Variants in UNC5D observed in about 807,000 individuals in gnomAD.
The protein encoded by UNC5D is unc-5 netrin receptor D, also known as netrin receptor UNC5D.
A neutral mutation model predicts 105.4 loss-of-function variants in UNC5D; 39 were observed. The observed-to-expected ratio is 0.37, with a 90% CI of 0.29 to 0.48. The LOEUF (loss-of-function observed/expected upper bound fraction) is 0.48. Ranked by LOEUF, UNC5D falls within the 20% of genes least tolerant of loss-of-function variation. The pLI, the probability that UNC5D is intolerant of heterozygous loss-of-function variation, is 0.98. For missense variants in UNC5D, 991 were observed against 1,202.4 expected, an observed-to-expected ratio of 0.82 and a Z score of 2.60; for synonymous variants, 452 against 450.4, an observed-to-expected ratio of 1.00 and a Z score of -0.04.
intron 1 of UNC5D, among the ~76,000 whole-genome samples, chr8:35,372,805 T>C (rs944363450): frequency 4.6e-5 from 7 of 151,778 alleles, no homozygotes; most frequent in Non-Finnish European, 7.4e-5. Context: ...GTCTCACATT[T>C]TACCCAGGCT....
At chr8:35,466,415 A>C (rs1012932510) in intron 1 of UNC5D, among the ~76,000 whole-genome samples, 1 of 152,158 alleles carries the variant, frequency 6.6e-6, no homozygotes, top group Non-Finnish European at 1.5e-5. Flanking sequence ...GTGTCCAGGA[A>C]GTAGGATTTA....
At chr8:35,552,282 C>T (rs996208410) in intron 2 of UNC5D, among the ~76,000 whole-genome samples, 14 of 152,126 alleles carry the variant, frequency 9.2e-5, no homozygotes, top group African/African-American at 3.1e-4. Flanking sequence ...GAGTTTGTGG[C>T]ATAGCTGTTT....
At chr8:35,643,799 G>C (rs912106544) in intron 4 of UNC5D, among the ~76,000 whole-genome samples, 1 of 152,098 alleles carries the variant, frequency 6.6e-6, no homozygotes, top group South Asian at 2.1e-4. Flanking sequence ...TGGAGTAGGC[G>C]ATGAAATCTG....
At chr8:35,771,287 C>T (rs1354640496) in intron 15 of UNC5D, among the ~76,000 whole-genome samples, 1 of 152,120 alleles carries the variant, frequency 6.6e-6, no homozygotes, top group Non-Finnish European at 1.5e-5. Flanking sequence ...TTTACAGGTG[C>T]CATGAGGGCT....
intron 4 of UNC5D, among the ~76,000 whole-genome samples, chr8:35,662,012 C>G (rs1186477736): frequency 6.6e-6 from 1 of 152,116 alleles, no homozygotes; most frequent in Non-Finnish European, 1.5e-5. Flanking sequence ...CCAACATTAT[C>G]TTCTCACAGG....
chr8:35,526,792 A>G (rs1314243580), intron 1 of UNC5D, among the ~76,000 whole-genome samples: 2 of 152,030 alleles, frequency 1.3e-5, no homozygotes, highest in Admixed American at 6.6e-5. Context: ...CCCTCATTAA[A>G]AAAAAAATGG....
intron 1 of UNC5D, among the ~76,000 whole-genome samples, chr8:35,298,662 C>T (rs1585526048): frequency 7.4e-6 from 1 of 134,880 alleles, no homozygotes; most frequent in Non-Finnish European, 1.5e-5. Context: ...TTGAGTAGGG[C>T]CCAAACATAT....
intron 1 of UNC5D, among the ~76,000 whole-genome samples, chr8:35,241,443 C>G (rs539356508): frequency 1.3e-5 from 2 of 152,164 alleles, no homozygotes; most frequent in Non-Finnish European, 1.5e-5. Flanking sequence ...CCACTCCCCC[C>G]ACACCACTTC....
At chr8:35,612,595 A>G (rs1820755729) in intron 4 of UNC5D, among the ~76,000 whole-genome samples, 4 of 152,134 alleles carry the variant, frequency 2.6e-5, no homozygotes, top group Admixed American at 1.3e-4. Context: ...CCCAAACATA[A>G]TGGGGTTTTA....
chr8:35,377,066 C>T (rs138810298), intron 1 of UNC5D, among the ~76,000 whole-genome samples: 105 of 152,298 alleles, frequency 6.9e-4, no homozygotes, highest in African/African-American at 2.5e-3. Context: ...GGATATGAGG[C>T]TTTTTCACAA....
intron 3 of UNC5D, 93 bp downstream of exon 3, chr8:35,568,334 C>T: frequency 1.4e-6 from 2 of 1,478,032 alleles, no homozygotes; most frequent in Non-Finnish European, 9.1e-7. Context: ...GATGCTTCTA[C>T]AGAATGTAAA....
At chr8:35,400,977 T>G (rs2128949710) in intron 1 of UNC5D, among the ~76,000 whole-genome samples, 1 of 152,322 alleles carries the variant, frequency 6.6e-6, no homozygotes, top group Non-Finnish European at 1.5e-5. Flanking sequence ...TCAGTCCTGC[T>G]GATTTCTTGG....
chr8:35,694,597 A>G (rs993927867), intron 7 of UNC5D, among the ~76,000 whole-genome samples: 1 of 152,190 alleles, frequency 6.6e-6, no homozygotes, highest in Admixed American at 6.6e-5. Context: ...TTATAACAGT[A>G]TCTATTACAA....
intron 1 of UNC5D, among the ~76,000 whole-genome samples, chr8:35,483,973 TGAG>T (rs1162294046): frequency 6.6e-6 from 1 of 152,156 alleles, no homozygotes; most frequent in Admixed American, 6.5e-5. Flanking sequence ...CATTCAAATG[TGAG>T]GAGATGAGGG....
chr8:35,253,753 TG>T (rs1264898193), intron 1 of UNC5D, among the ~76,000 whole-genome samples: 1 of 152,038 alleles, frequency 6.6e-6, no homozygotes, highest in East Asian at 1.9e-4. Flanking sequence ...CCTCCCAAAA[TG>T]CTGGGATTAT....
At chr8:35,380,725 A>G (rs1250814484) in intron 1 of UNC5D, among the ~76,000 whole-genome samples, 6 of 152,206 alleles carry the variant, frequency 3.9e-5, no homozygotes, top group Non-Finnish European at 8.8e-5. Flanking sequence ...TGGATGTTAC[A>G]CAATTAGGAA....
chr8:35,623,714 A>G (rs958066222), intron 4 of UNC5D, among the ~76,000 whole-genome samples: 1 of 152,096 alleles, frequency 6.6e-6, no homozygotes, highest in Non-Finnish European at 1.5e-5. Flanking sequence ...TTTAATAACC[A>G]TTTTTTCATT....
Position 35,679,990 on chromosome 8 carries a change from G to A in UNC5D, c.571-3557G>A, listed in dbSNP as rs146194624. Reference sequence around the variant, plus strand: ...AATGAGGCTGAGCAGGCAAATATTCGAGGTCAGATCTCTCATCTTGTTGTG... The same window carrying A: ...AATGAGGCTGAGCAGGCAAATATTCAAGGTCAGATCTCTCATCTTGTTGTG... On this transcript the variant is annotated intron_variant, in intron 4 of 16. Coordinates refer to ENST00000404895, the MANE Select transcript of UNC5D (RefSeq NM_080872.4). Among the ~76,000 whole-genome samples the A allele has an allele frequency of 1.3e-3, 202 of 152,198 alleles. 1 individual carries two copies. The highest frequency in any genetic ancestry group is 2.2e-3 in the Non-Finnish European group (151 of 67,992).
At chr8:35,455,516 T>G (rs1465611113) in intron 1 of UNC5D, among the ~76,000 whole-genome samples, 1 of 152,014 alleles carries the variant, frequency 6.6e-6, no homozygotes, top group Non-Finnish European at 1.5e-5. Flanking sequence ...TGATCTCAGG[T>G]GATCCGTCCA....
Sources: allele counts gnomAD v4.1 joint callset (sites outside exome capture counted in the v4.1 genomes callset), GRCh38; gene constraint gnomAD v4.1.1; transcripts MANE v1.5; gene names NCBI Gene and HGNC (gene_info 2026-07-23, HGNC 2026-07-21).